Variants in RPS6KA2 observed in about 807,000 individuals in gnomAD.
The protein encoded by RPS6KA2 is ribosomal protein S6 kinase alpha-2.
In RPS6KA2, 42 loss-of-function variants were observed where a neutral mutation model predicts 91.8. The ratio of observed to expected loss-of-function variants is 0.46; its 90% CI spans 0.36 to 0.59. The LOEUF is 0.59. RPS6KA2 is among the 20% of genes least tolerant of loss of function. The pLI is 0.00. For missense variants in RPS6KA2, 798 were observed against 978.5 expected, an observed-to-expected ratio of 0.82 and a Z score of 2.46; for synonymous variants, 414 against 393.6, an observed-to-expected ratio of 1.05 and a Z score of -0.61.
intron 14 of RPS6KA2, among the ~76,000 whole-genome samples, chr6:166,438,968 G>A (rs1024714699): frequency 6.6e-6 from 1 of 152,200 alleles, no homozygotes; most frequent in African/African-American, 2.4e-5. Context: ...TCCTGAACAA[G>A]GGGATTGCTG....
intron 2 of RPS6KA2, among the ~76,000 whole-genome samples, chr6:166,805,488 T>C (rs1433313297): frequency 6.6e-6 from 1 of 152,150 alleles, no homozygotes; most frequent in Non-Finnish European, 1.5e-5. Context: ...GACCAGCATA[T>C]TAAGAAGCAA....
chr6:166,844,754 G>C (rs1457552381), intron 2 of RPS6KA2, among the ~76,000 whole-genome samples: 2 of 152,082 alleles, frequency 1.3e-5, no homozygotes, highest in Admixed American at 6.5e-5. Context: ...CCAGCACTAC[G>C]AGAACTGCTA....
In RPS6KA2 at chr6:166,661,164, G is replaced by A. The variant is rs377502105; in HGVS notation, c.124-122380C>T. ...CGCCCAGCCTGGAGTGCAGTGGTGCGATCTCAGCTCACTACAACCCCTGCC... is the reference window on the plus strand; with the variant it reads ...CGCCCAGCCTGGAGTGCAGTGGTGCAATCTCAGCTCACTACAACCCCTGCC... On this transcript the variant is annotated intron_variant, in intron 2 of 21. Transcript: ENST00000503859. Among the ~76,000 whole-genome samples, 127 of 151,758 alleles carry A rather than the reference G, an allele frequency of 8.4e-4. 3 individuals are homozygous for A. The South Asian group carries it at 0.025, about 30-fold the overall frequency.
At chr6:166,570,780 TAAC>T (rs910509417) in intron 1 of RPS6KA2, among the ~76,000 whole-genome samples, 4 of 152,064 alleles carry the variant, frequency 2.6e-5, no homozygotes, top group African/African-American at 4.8e-5. Flanking sequence ...ATATTAAAAA[TAAC>T]AACTAAAGGG....
At chr6:166,747,663 G>C (rs1182183882) in intron 2 of RPS6KA2, among the ~76,000 whole-genome samples, 1 of 152,192 alleles carries the variant, frequency 6.6e-6, no homozygotes, top group African/African-American at 2.4e-5. Flanking sequence ...AAACAGAGAG[G>C]GCGGTGGAGG....
intron 1 of RPS6KA2, among the ~76,000 whole-genome samples, chr6:166,584,527 T>C (rs574924716): frequency 1.3e-5 from 2 of 152,338 alleles, no homozygotes; most frequent in African/African-American, 2.4e-5. Flanking sequence ...ACACTTTTTA[T>C]AGCTCTATTA....
At chr6:166,444,486 C>T (rs1028359913) in intron 14 of RPS6KA2, among the ~76,000 whole-genome samples, 2 of 152,196 alleles carry the variant, frequency 1.3e-5, no homozygotes, top group Non-Finnish European at 2.9e-5. Context: ...AAGTAGGGCA[C>T]ATCTGTTCAC....
intron 2 of RPS6KA2, among the ~76,000 whole-genome samples, chr6:166,643,122 T>C (rs918112995): frequency 3.3e-5 from 5 of 152,234 alleles, no homozygotes; most frequent in African/African-American, 1.2e-4. Context: ...ATGTCCTTTA[T>C]CTCTGATCTT....
At chr6:166,826,661 G>A (rs1216418685) in intron 2 of RPS6KA2, among the ~76,000 whole-genome samples, 5 of 152,148 alleles carry the variant, frequency 3.3e-5, no homozygotes, top group Non-Finnish European at 7.4e-5. Flanking sequence ...AGGGTACCAC[G>A]TTGCCTCACA....
rs59902061 is a variant in RPS6KA2, at chr6:166,755,293, C to T, written c.123+102907G>A. On this transcript the variant is annotated intron_variant, in intron 2 of 21. Transcript: ENST00000503859. ...GCTTTCCGTTTTAGCCTTACCGCCCCAGCCTACAACCCCGGGCATGGCAAA... is the reference window on the plus strand; with the variant it reads ...GCTTTCCGTTTTAGCCTTACCGCCCTAGCCTACAACCCCGGGCATGGCAAA... Among the ~76,000 whole-genome samples, 540 of 152,184 alleles carry T rather than the reference C, an allele frequency of 3.5e-3. 6 individuals carry two copies. In the East Asian group the frequency reaches 0.049, roughly 14 times the overall value.
chr6:166,771,616 T>C (rs1273601422), intron 2 of RPS6KA2, among the ~76,000 whole-genome samples: 1 of 152,258 alleles, frequency 6.6e-6, no homozygotes, highest in African/African-American at 2.4e-5. Flanking sequence ...AGCCTTTTCC[T>C]GCCACATTTC....
At chr6:166,659,709 G>A (rs1788104754) in intron 2 of RPS6KA2, among the ~76,000 whole-genome samples, 1 of 152,162 alleles carries the variant, frequency 6.6e-6, no homozygotes, top group African/African-American at 2.4e-5. Context: ...GTGGACACGG[G>A]TGGGAGCCAG....
chr6:166,802,944 G>GTATATA (rs201882418), intron 2 of RPS6KA2, among the ~76,000 whole-genome samples: 112 of 133,804 alleles, frequency 8.4e-4, no homozygotes, highest in African/African-American at 3.0e-3. Flanking sequence ...GTGTGTGTGT[G>GTATATA]TATATATATA....
intron 10 of RPS6KA2, chr6:166,475,757 G>A (rs763418509): frequency 1.9e-6 from 1 of 530,944 alleles, no homozygotes; most frequent in East Asian, 5.5e-5. Context: ...AGGGGATGTG[G>A]AGGTGGGAGA....
intron 3 of RPS6KA2, among the ~76,000 whole-genome samples, chr6:166,521,865 A>AC (rs1293287055): frequency 6.6e-6 from 1 of 152,092 alleles, no homozygotes; most frequent in African/African-American, 2.4e-5. Flanking sequence ...TTGAAACCTA[A>AC]CCCCCAGTGT....
intron 1 of RPS6KA2, among the ~76,000 whole-genome samples, chr6:166,585,412 T>C (rs2128518537): frequency 6.6e-6 from 1 of 152,292 alleles, no homozygotes; most frequent in South Asian, 2.1e-4. Context: ...GAACCTAATT[T>C]TCACATTTAC....
Position 166,783,886 on chromosome 6 carries a change from T to C in RPS6KA2, c.123+74314A>G, listed in dbSNP as rs1226173898. Among the ~76,000 whole-genome samples the C allele has an allele frequency of 4.4e-5, 4 of 90,568 alleles. 1 individual carries two copies. Among genetic ancestry groups the C allele is most frequent in the Non-Finnish European group, 8.8e-5 (4 of 45,510 alleles). The allele number at this position is 90,568 out of a possible 152,430, so 59.4% of individuals were successfully genotyped here. A position where few individuals can be genotyped will look rare whatever the true frequency, so the allele number is the denominator to read the frequency against. On this transcript the variant is annotated intron_variant, in intron 2 of 21. Coordinates refer to the RPS6KA2 transcript ENST00000503859. ...ACGTGCACACCTACGCATCACCACA[T>C]ATGCACACGTGCACACCTACGCATC...
chr6:166,641,826 T>C (rs970362205), intron 2 of RPS6KA2, among the ~76,000 whole-genome samples: 3 of 146,748 alleles, frequency 2.0e-5, no homozygotes, highest in African/African-American at 7.6e-5. Context: ...AAAAGAGACG[T>C]TGGATCTGAT....
At chr6:166,790,737 T>C (rs1414163178) in intron 2 of RPS6KA2, among the ~76,000 whole-genome samples, 1 of 152,182 alleles carries the variant, frequency 6.6e-6, no homozygotes, top group African/African-American at 2.4e-5. Context: ...GAATTTTCAA[T>C]GCAGAATTTC....
Sources: gnomAD v4.1 joint callset for allele counts (sites outside exome capture counted in the v4.1 genomes callset) on GRCh38, gnomAD v4.1.1 for gene constraint, MANE v1.5 for transcripts, NCBI Gene and HGNC (gene_info 2026-07-23, HGNC 2026-07-21) for gene names.